BAZ2B: variants seen among roughly 807,000 people sequenced by gnomAD.
BAZ2B encodes bromodomain adjacent to zinc finger domain 2B.
BAZ2B carries 91 observed loss-of-function variants against 246.0 expected under a neutral mutation model. That is an observed-to-expected ratio of 0.37 (90% CI 0.31 to 0.44). BAZ2B has a LOEUF of 0.44. Ranked by LOEUF, BAZ2B falls within the 20% of genes least tolerant of loss-of-function variation. The pLI, the probability that BAZ2B is intolerant of heterozygous loss-of-function variation, is 1.00. For missense variants in BAZ2B, 2,332 were observed against 2,533.7 expected (o/e 0.92, Z 1.71); for synonymous variants, 855 against 860.0 (o/e 0.99, Z 0.10).
intron 5 of BAZ2B, among the ~76,000 whole-genome samples, chr2:159,447,177 C>T (rs1279800488): frequency 1.3e-5 from 2 of 151,196 alleles, no homozygotes; most frequent in African/African-American, 4.8e-5. Context: ...CTGATCGCTT[C>T]CAGGGCTGAG....
chr2:159,443,183 T>G (rs2073733179), intron 6 of BAZ2B, among the ~76,000 whole-genome samples: 1 of 152,204 alleles, frequency 6.6e-6, no homozygotes, highest in African/African-American at 2.4e-5. Context: ...AAATCAGATA[T>G]GTTTTTAAAG....
At chr2:159,458,614 C>T (rs62173210) in intron 3 of BAZ2B, 11,283 of 152,520 alleles carry the variant, frequency 0.074, 556 homozygotes, top group Middle Eastern at 0.16. Flanking sequence ...TGTGAGCCAC[C>T]GCGCCTGGCC....
At chr2:159,559,919 T>C (rs1482180703) in intron 1 of BAZ2B, among the ~76,000 whole-genome samples, 1 of 152,180 alleles carries the variant, frequency 6.6e-6, no homozygotes, top group East Asian at 1.9e-4. Flanking sequence ...TTAGTAAATA[T>C]GCACAGACAA....
At chr2:159,445,254 T>C (rs2074063760) in intron 6 of BAZ2B, among the ~76,000 whole-genome samples, 1 of 152,088 alleles carries the variant, frequency 6.6e-6, no homozygotes, top group Non-Finnish European at 1.5e-5. Context: ...ATTAACAATC[T>C]GAACAGGAAA....
chr2:159,697,403 AAAT>A, the BAZ2B span, among the ~76,000 whole-genome samples: 1 of 152,230 alleles, frequency 6.6e-6, no homozygotes, highest in Non-Finnish European at 1.5e-5. Context: ...AACAATTCAT[AAAT>A]AATGTGATAT....
rs1161459558 is a variant in BAZ2B at position 159,385,222 on chromosome 2, G to C, written c.3619C>G (p.Pro1207Ala). The C allele has an allele frequency of 6.2e-7, 1 of 1,613,632 alleles. No homozygotes were observed. The highest frequency in any genetic ancestry group is 1.7e-5 in the Admixed American group (1 of 59,916). ...LKTKAFQAHT[P>A]AQKASVLAFL... ...GCCAGGACTGAAGCTTTCTGTGCTG[G>C]AGTGTGAGCCTGAAAAGCTTTGGTC... Residue 1207 changes from proline (P) to alanine (A), a missense_variant, in exon 23 of 37, where the codon CCA becomes GCA. Physicochemically the swap from Pro to Ala is conservative, Grantham distance 27. Transcript: ENST00000392783.
chr2:159,497,541 A>T (rs1454457418), intron 2 of BAZ2B, among the ~76,000 whole-genome samples: 1 of 152,154 alleles, frequency 6.6e-6, no homozygotes, highest in Admixed American at 6.5e-5. Context: ...GTTGGCCAGA[A>T]ATCTATGTGT....
chr2:159,626,556 C>T, the BAZ2B span, among the ~76,000 whole-genome samples: 1 of 152,200 alleles, frequency 6.6e-6, no homozygotes, highest in South Asian at 2.1e-4. Flanking sequence ...AACTGAACAA[C>T]CTGAATGAAT....
intron 14 of BAZ2B, among the ~76,000 whole-genome samples, chr2:159,405,734 A>G (rs2065833041): frequency 1.3e-5 from 2 of 151,762 alleles, no homozygotes; most frequent in Non-Finnish European, 2.9e-5. Context: ...TTTTTTTCAC[A>G]TTTCAAGTAA....
At chr2:159,333,208 T>C (rs1412310308) in intron 33 of BAZ2B, among the ~76,000 whole-genome samples, 1 of 152,162 alleles carries the variant, frequency 6.6e-6, no homozygotes, top group Non-Finnish European at 1.5e-5. Flanking sequence ...ATCTATATAT[T>C]GTGATAGATT....
At chr2:159,397,609 T>C (rs533378062) in intron 18 of BAZ2B, among the ~76,000 whole-genome samples, 51 of 152,298 alleles carry the variant, frequency 3.3e-4, no homozygotes, top group African/African-American at 1.2e-3. Flanking sequence ...ATGGTAAATA[T>C]GGTAGCAAGG....
chr2:159,373,085 T>C lies in BAZ2B; in HGVS notation c.4173A>G (p.Gln1391=), dbSNP rs113919040. ...TGCCTTCTACAAAAATCCCCCCACA[T>C]TGGGGAAGAATCCAGTACCGGCGTC... is the stretch of plus-strand genomic sequence containing the variant. ...RYRRRYWILP[Q]CGGIFVEGME... Residue 1391 remains glutamine, a synonymous_variant, in exon 27 of 37, where the codon CAA becomes CAG. Coordinates refer to ENST00000392783, the MANE Select transcript of BAZ2B (RefSeq NM_013450.4). 9.0e-5 allele frequency: 145 copies of C among 1,613,978 alleles called. 2 individuals carry two copies. In the African/African-American group the frequency reaches 1.1e-3, roughly 12 times the overall value.
At chr2:159,645,854 T>C in the BAZ2B span, among the ~76,000 whole-genome samples, 3 of 151,920 alleles carry the variant, frequency 2.0e-5, no homozygotes, top group East Asian at 1.9e-4. Flanking sequence ...AGTGTACGAA[T>C]AGGGTGTGGG....
intron 3 of BAZ2B, among the ~76,000 whole-genome samples, chr2:159,469,227 A>C (rs1225031914): frequency 6.6e-6 from 1 of 152,054 alleles, no homozygotes; most frequent in Non-Finnish European, 1.5e-5. Flanking sequence ...GAAAAGACAT[A>C]AGTTATGTAT....
intron 1 of BAZ2B, among the ~76,000 whole-genome samples, chr2:159,604,778 C>T (rs1212354009): frequency 6.6e-6 from 1 of 151,890 alleles, no homozygotes; most frequent in Non-Finnish European, 1.5e-5. Flanking sequence ...CATAAAAGGA[C>T]AGTTTTACTA....
intron 26 of BAZ2B, among the ~76,000 whole-genome samples, chr2:159,373,627 T>C (rs12692546): frequency 0.65 from 98,011 of 151,952 alleles, 34,469 homozygotes; most frequent in Non-Finnish European, 0.81. Flanking sequence ...ACCCAGGAAT[T>C]AGAGACCAGC....
the BAZ2B span, among the ~76,000 whole-genome samples, chr2:159,642,006 A>G: frequency 2.0e-5 from 3 of 151,676 alleles, no homozygotes; most frequent in African/African-American, 7.3e-5. Context: ...GTATCATTCA[A>G]CTCCCTTTTA....
chr2:159,645,053 T>C, the BAZ2B span, among the ~76,000 whole-genome samples: 3 of 152,208 alleles, frequency 2.0e-5, no homozygotes, highest in South Asian at 2.1e-4. Context: ...GGCAGGTGGA[T>C]TGCTTGAGCC....
intron 27 of BAZ2B, among the ~76,000 whole-genome samples, chr2:159,351,733 T>C (rs2058589358): frequency 6.6e-6 from 1 of 152,236 alleles, no homozygotes. Context: ...GGTATTTCTC[T>C]TTTGTAAATT....
Sources: allele counts gnomAD v4.1 joint callset (sites outside exome capture counted in the v4.1 genomes callset), GRCh38; gene constraint gnomAD v4.1.1; transcripts MANE v1.5; gene names NCBI Gene and HGNC (gene_info 2026-07-23, HGNC 2026-07-21).